CLASP1: variants seen among roughly 807,000 people sequenced by gnomAD.
CLASP1 encodes the protein cytoplasmic linker associated protein 1.
Under a neutral mutation model 192.3 loss-of-function variants are expected in CLASP1, and 38 were observed. That is an observed-to-expected ratio of 0.20 (90% CI 0.15 to 0.26). CLASP1 has a LOEUF of 0.26. CLASP1 is among the 10% of genes least tolerant of loss of function. The pLI, the probability that CLASP1 is intolerant of heterozygous loss-of-function variation, is 1.00. For missense variants in CLASP1, 1,433 were observed against 1,932.5 expected (o/e 0.74, Z 4.85); for synonymous variants, 691 against 712.8 (o/e 0.97, Z 0.49).
chr2:121,459,172 C>A (rs2087334069), intron 12 of CLASP1, among the ~76,000 whole-genome samples, 197 bp from the exon 13 acceptor site: 1 of 150,016 alleles, frequency 6.7e-6, no homozygotes, highest in Non-Finnish European at 1.5e-5. Context: ...TAAAAAAAAA[C>A]ATTTCCAACT....
At chr2:121,503,011 G>T (rs1053071422) in intron 8 of CLASP1, among the ~76,000 whole-genome samples, 156 bp downstream of exon 8, 1 of 152,182 alleles carries the variant, frequency 6.6e-6, no homozygotes, top group African/African-American at 2.4e-5. Flanking sequence ...ATGATTCACT[G>T]CATTGTTTCT....
At chr2:121,583,520 T>C (rs2061422236) in intron 2 of CLASP1, among the ~76,000 whole-genome samples, 1 of 152,236 alleles carries the variant, frequency 6.6e-6, no homozygotes, top group African/African-American at 2.4e-5. Flanking sequence ...CCATTTCTTT[T>C]CTACAATCCC....
At chr2:121,458,727 G>A in intron 13 of CLASP1, 113 bp downstream of exon 13, 1 of 775,492 alleles carries the variant, frequency 1.3e-6, no homozygotes, top group East Asian at 3.1e-5. Context: ...ATATAATTAT[G>A]CTAATAAATT....
At chr2:121,404,477 TTA>T (rs778395969) in intron 25 of CLASP1, 43 bp from the exon 27 acceptor site, 2 of 1,539,106 alleles carry the variant, frequency 1.3e-6, no homozygotes, top group Non-Finnish European at 1.8e-6. Context: ...ACTACTTTTA[TTA>T]TTTTTGAGAC....
At chr2:121,616,650 AG>A (rs2066513809) in intron 1 of CLASP1, among the ~76,000 whole-genome samples, 1 of 152,214 alleles carries the variant, frequency 6.6e-6, no homozygotes, top group African/African-American at 2.4e-5. Flanking sequence ...TTTCTGTATT[AG>A]GATGATTTCT....
chr2:121,449,028 T>C, exon 17 of CLASP1: 1 of 1,613,952 alleles, frequency 6.2e-7, no homozygotes, highest in East Asian at 2.2e-5. Flanking sequence ...GTTCTTCAGG[T>C]GGGACTGCAG....
chr2:121,420,927 T>C (rs1045946681), intron 22 of CLASP1, among the ~76,000 whole-genome samples: 1 of 152,224 alleles, frequency 6.6e-6, no homozygotes, highest in African/African-American at 2.4e-5. Flanking sequence ...AATAACAGTA[T>C]GCATAAATTT....
intron 2 of CLASP1, among the ~76,000 whole-genome samples, chr2:121,560,242 T>G (rs1243733531): frequency 6.6e-6 from 1 of 152,234 alleles, no homozygotes; most frequent in Non-Finnish European, 1.5e-5. Flanking sequence ...TACATGTATA[T>G]TTAACATGGG....
At chr2:121,372,821 C>T (rs1014627815) in intron 34 of CLASP1, among the ~76,000 whole-genome samples, 29 of 152,336 alleles carry the variant, frequency 1.9e-4, no homozygotes, top group African/African-American at 6.7e-4. Context: ...GGGAATACCC[C>T]AGTGAGCACA....
At chr2:121,585,473 T>C (rs1029776562) in intron 2 of CLASP1, among the ~76,000 whole-genome samples, 3 of 152,168 alleles carry the variant, frequency 2.0e-5, no homozygotes, top group African/African-American at 7.2e-5. Context: ...ATACTTGCTC[T>C]CCTTTGCCAG....
chr2:121,505,161 G>C (rs943256415), intron 7 of CLASP1: 3 of 152,202 alleles, frequency 2.0e-5, no homozygotes, highest in Admixed American at 2.0e-4. Context: ...CTGCAAGTTA[G>C]AGCCAAGGTA....
At chr2:121,615,678 A>G (rs1233219528) in intron 1 of CLASP1, among the ~76,000 whole-genome samples, 1 of 151,896 alleles carries the variant, frequency 6.6e-6, no homozygotes, top group African/African-American at 2.4e-5. Context: ...CAGCTACTCA[A>G]GAAGGTAAGG....
intron 8 of CLASP1, among the ~76,000 whole-genome samples, chr2:121,497,731 C>CT (rs956844254): frequency 4.1e-4 from 63 of 152,016 alleles, no homozygotes; most frequent in African/African-American, 1.4e-3. Flanking sequence ...TTCTTTCTTT[C>CT]TTTTTTTAGA....
chr2:121,352,009 C>T (rs1239325206), intron 37 of CLASP1, among the ~76,000 whole-genome samples: 3 of 152,190 alleles, frequency 2.0e-5, no homozygotes, highest in African/African-American at 7.2e-5. Context: ...TGAGAAGGAC[C>T]GGGCCACCCA....
Position 121,368,444 on chromosome 2 carries a change from CA to C in CLASP1, c.3643-614del, listed in dbSNP as rs1440093092. Among the ~76,000 whole-genome samples the C allele has an allele frequency of 1.7e-4, 26 of 152,176 alleles. 1 individual carries two copies. The highest frequency in any genetic ancestry group is 6.3e-4 in the African/African-American group (26 of 41,490). On this transcript the variant is annotated intron_variant, in intron 34 of 39. Transcript: ENST00000263710. Reference sequence around the variant, plus strand: ...CAAAGAACAGGACTTTAGTATTTCCCAAATTTTTTTTTTTTCCCTAGTATAT... The same window carrying C: ...CAAAGAACAGGACTTTAGTATTTCCCAATTTTTTTTTTTTCCCTAGTATAT...
chr2:121,624,822 T>C (rs912448081), intron 1 of CLASP1, among the ~76,000 whole-genome samples: 3 of 152,256 alleles, frequency 2.0e-5, no homozygotes, highest in Non-Finnish European at 4.4e-5. Flanking sequence ...TGGTATAAAG[T>C]ACATTCACAT....
At chr2:121,482,784 C>G (rs2092691216) in intron 8 of CLASP1, among the ~76,000 whole-genome samples, 1 of 152,192 alleles carries the variant, frequency 6.6e-6, no homozygotes, top group Admixed American at 6.5e-5. Flanking sequence ...AAACGTCCAC[C>G]ATTCCTCAAC....
intron 37 of CLASP1, among the ~76,000 whole-genome samples, chr2:121,351,639 C>T (rs1280480118): frequency 6.6e-6 from 1 of 152,192 alleles, no homozygotes; most frequent in African/African-American, 2.4e-5. Context: ...ATAAGATCAC[C>T]ACATCCATCA....
chr2:121,608,257 A>G (rs978798033), intron 1 of CLASP1, among the ~76,000 whole-genome samples: 1 of 152,202 alleles, frequency 6.6e-6, no homozygotes, highest in African/African-American at 2.4e-5. Context: ...TGGACCTACT[A>G]TTAGTCCAAG....
Sources: gnomAD v4.1 joint callset for allele counts (sites outside exome capture counted in the v4.1 genomes callset) on GRCh38, gnomAD v4.1.1 for gene constraint, MANE v1.5 for transcripts, NCBI Gene and HGNC (gene_info 2026-07-23, HGNC 2026-07-21) for gene names.